HACD2: variants seen among roughly 807,000 people sequenced by gnomAD.
The protein encoded by HACD2 is very-long-chain (3R)-3-hydroxyacyl-CoA dehydratase 2.
A neutral mutation model predicts 31.0 loss-of-function variants in HACD2; 15 were observed. The observed-to-expected ratio is 0.48, with a 90% CI of 0.32 to 0.75. The LOEUF is 0.75. Among genes scored for constraint, HACD2 ranks in the 30% least tolerant of loss-of-function variants. The pLI is 0.03. For synonymous variants in HACD2, 115 were observed against 122.2 expected, an observed-to-expected ratio of 0.94 and a Z score of 0.39; for missense variants, 283 against 313.0, an observed-to-expected ratio of 0.90 and a Z score of 0.72.
rs143700930 is a variant in HACD2, at chr3:123,578,038, C to G, written c.273+4174G>C. ...ACCATTAGCAGTCACACCCCACTCT[C>G]TCTCCCCACAGCCCCTAACAATTCC... On this transcript the variant is annotated intron_variant, in intron 2 of 6. Transcript: ENST00000383657. Among the ~76,000 whole-genome samples the G allele has an allele frequency of 9.1e-3, 1,380 of 152,292 alleles. 20 individuals are homozygous for G. The highest frequency in any genetic ancestry group is 0.028 in the African/African-American group (1,175 of 41,562).
chr3:123,535,441 A>C (rs1403066450), intron 3 of HACD2, among the ~76,000 whole-genome samples: 1 of 152,218 alleles, frequency 6.6e-6, no homozygotes, highest in Non-Finnish European at 1.5e-5. Flanking sequence ...AACAACAGCA[A>C]CAACTACAAA....
intron 4 of HACD2, among the ~76,000 whole-genome samples, chr3:123,514,731 G>C (rs2056111894): frequency 6.6e-6 from 1 of 152,076 alleles, no homozygotes; most frequent in African/African-American, 2.4e-5. Flanking sequence ...TTTGAAGAAG[G>C]GCTAGCTTAG....
chr3:123,555,991 A>C (rs191280851), intron 3 of HACD2, among the ~76,000 whole-genome samples: 61 of 152,326 alleles, frequency 4.0e-4, no homozygotes, highest in African/African-American at 1.4e-3. Flanking sequence ...CTGGATGACT[A>C]TATGTAAAAA....
intron 3 of HACD2, among the ~76,000 whole-genome samples, chr3:123,561,254 G>A (rs6780507): frequency 0.42 from 64,119 of 151,940 alleles, 16,596 homozygotes; most frequent in African/African-American, 0.74. Context: ...ATACGCTACC[G>A]ATGAATATTA....
At chr3:123,557,632 G>A (rs1345429993) in intron 3 of HACD2, among the ~76,000 whole-genome samples, 3 of 152,040 alleles carry the variant, frequency 2.0e-5, no homozygotes, top group African/African-American at 7.2e-5. Flanking sequence ...GAGTGAGACT[G>A]TCTCAAAAAA....
At chr3:123,555,997 A>T (rs1013892907) in intron 3 of HACD2, among the ~76,000 whole-genome samples, 11 of 152,166 alleles carry the variant, frequency 7.2e-5, no homozygotes, top group African/African-American at 2.7e-4. Context: ...GACTATATGT[A>T]AAAAAATAAA....
chr3:123,576,342 G>A (rs1001803401), intron 2 of HACD2, among the ~76,000 whole-genome samples: 8 of 151,588 alleles, frequency 5.3e-5, no homozygotes, highest in African/African-American at 1.9e-4. Flanking sequence ...ATTTGCTTGA[G>A]TCACCAAGCA....
chr3:123,502,952 A>C lies in HACD2; in HGVS notation c.382-271T>G, dbSNP rs138107621. 222 of 359,048 alleles carry C rather than the reference A, an allele frequency of 6.2e-4. 1 individual carries two copies. Among genetic ancestry groups the C allele is most frequent in the African/African-American group, 4.0e-3 (199 of 49,200 alleles). The allele number at this position is 359,048 out of a possible 1,614,324, so 22.2% of individuals were successfully genotyped here. On this transcript the variant is annotated intron_variant, in intron 4 of 6. Transcript: ENST00000383657. ...TAACAAACACGAGGGGTGGGGATTT[A>C]CAGGTTTGCCAGCCTCATGCGGAGA...
chr3:123,550,441 G>C (rs2056607998), intron 3 of HACD2, among the ~76,000 whole-genome samples: 1 of 152,158 alleles, frequency 6.6e-6, no homozygotes, highest in Admixed American at 6.6e-5. Flanking sequence ...AGAAAAGGGG[G>C]AGATTTAGAG....
chr3:123,584,153 T>C (rs890055189), intron 1 of HACD2, among the ~76,000 whole-genome samples: 1 of 152,124 alleles, frequency 6.6e-6, no homozygotes, highest in Non-Finnish European at 1.5e-5. Flanking sequence ...AGATGATTTA[T>C]CCAAAGTCAC....
At chr3:123,498,237 A>T (rs1410944206) in intron 6 of HACD2, among the ~76,000 whole-genome samples, 1 of 152,216 alleles carries the variant, frequency 6.6e-6, no homozygotes, top group Non-Finnish European at 1.5e-5. Context: ...ATTATTTGAG[A>T]TCCACCCTTT....
intron 4 of HACD2, among the ~76,000 whole-genome samples, chr3:123,505,416 T>A (rs770672133): frequency 6.6e-6 from 1 of 152,202 alleles, no homozygotes; most frequent in Admixed American, 6.5e-5. Flanking sequence ...AAATGTTGTA[T>A]GTCTTTTACC....
chr3:123,549,659 G>A (rs2056597761), intron 3 of HACD2, among the ~76,000 whole-genome samples: 1 of 152,106 alleles, frequency 6.6e-6, no homozygotes, highest in Admixed American at 6.5e-5. Context: ...GAGGTGGAAA[G>A]ATTGCTTGAG....
At chr3:123,557,956 A>G (rs1014626376) in intron 3 of HACD2, among the ~76,000 whole-genome samples, 2 of 152,254 alleles carry the variant, frequency 1.3e-5, no homozygotes, top group African/African-American at 4.8e-5. Flanking sequence ...GAAAACTTGC[A>G]TCTGCACAAA....
At chr3:123,562,419 A>C (rs2056743474) in intron 3 of HACD2, among the ~76,000 whole-genome samples, 1 of 152,218 alleles carries the variant, frequency 6.6e-6, no homozygotes. Flanking sequence ...TGAAGTGCTC[A>C]CTTGCAAAGA....
chr3:123,560,433 T>C (rs1050000100), intron 3 of HACD2, among the ~76,000 whole-genome samples: 1 of 152,096 alleles, frequency 6.6e-6, no homozygotes, highest in African/African-American at 2.4e-5. Flanking sequence ...TACCCAGGCC[T>C]CCAATCTCCC....
At chr3:123,547,883 G>C (rs2056578096) in intron 3 of HACD2, among the ~76,000 whole-genome samples, 1 of 152,012 alleles carries the variant, frequency 6.6e-6, no homozygotes, top group African/African-American at 2.4e-5. Context: ...ACTTCTGTGA[G>C]GTAGGCACCA....
At chr3:123,583,257 T>C (rs1367152852) in intron 1 of HACD2, among the ~76,000 whole-genome samples, 3 of 152,176 alleles carry the variant, frequency 2.0e-5, no homozygotes, top group Admixed American at 6.5e-5. Flanking sequence ...TGGTTTAAGA[T>C]ACCACTCCTT....
chr3:123,579,363 T>C (rs1194655858), intron 2 of HACD2, among the ~76,000 whole-genome samples: 1 of 151,936 alleles, frequency 6.6e-6, no homozygotes, highest in African/African-American at 2.4e-5. Context: ...GATGCAATCA[T>C]AGTTCGCTGC....
Sources: allele counts gnomAD v4.1 joint callset (sites outside exome capture counted in the v4.1 genomes callset), GRCh38; gene constraint gnomAD v4.1.1; transcripts MANE v1.5; gene names NCBI Gene and HGNC (gene_info 2026-07-23, HGNC 2026-07-21).